The following KATNA1 variants were observed in gnomAD, a reference collection of about 807,000 sequenced individuals.
KATNA1 encodes katanin p60 ATPase-containing subunit A1.
A neutral mutation model predicts 62.6 loss-of-function variants in KATNA1; 42 were observed. The ratio of observed to expected loss-of-function variants is 0.67; its 90% CI spans 0.52 to 0.87. The LOEUF (loss-of-function observed/expected upper bound fraction) is 0.87. Ranked by LOEUF, KATNA1 falls within the 40% of genes least tolerant of loss-of-function variation. The probability of loss-of-function intolerance (pLI) is 0.00; values close to 1 mark genes in which losing one functional copy is unlikely to be tolerated. For missense variants in KATNA1, 498 were observed against 612.5 expected, an observed-to-expected ratio of 0.81 and a Z score of 1.97; for synonymous variants, 186 against 201.9, an observed-to-expected ratio of 0.92 and a Z score of 0.67.
At chr6:149,604,020 C>G (rs1778643750) in intron 5 of KATNA1, among the ~76,000 whole-genome samples, 1 of 152,092 alleles carries the variant, frequency 6.6e-6, no homozygotes, top group Admixed American at 6.6e-5. Context: ...TATAAAATAC[C>G]TAACTTTGTG....
chr6:149,618,621 G>C (rs549124978), intron 4 of KATNA1, among the ~76,000 whole-genome samples: 23 of 152,282 alleles, frequency 1.5e-4, no homozygotes, highest in African/African-American at 5.1e-4. Context: ...CATGGTACTG[G>C]CATAAAAACA....
rs367852831 is a variant in KATNA1, at chr6:149,595,025, C to G, written c.*11G>C. On this transcript the variant is annotated 3_prime_UTR_variant, in exon 11 of 11. Coordinates refer to ENST00000367411, the MANE Select transcript of KATNA1 (RefSeq NM_007044.4). Reference sequence around the variant, plus strand: ...CTTAAGGCACATTTCTCACAGTTTACATGTGAGAATTTAGCATGATCCAAA... The same window carrying G: ...CTTAAGGCACATTTCTCACAGTTTAGATGTGAGAATTTAGCATGATCCAAA... 17 of 1,590,642 alleles carry G rather than the reference C, an allele frequency of 1.1e-5. No homozygotes were observed. The Middle Eastern group carries it at 5.0e-4, about 46-fold the overall frequency.
intron 7 of KATNA1, among the ~76,000 whole-genome samples, chr6:149,599,595 G>C (rs1358017548): frequency 1.3e-5 from 2 of 151,048 alleles, no homozygotes; most frequent in South Asian, 2.1e-4. Flanking sequence ...CCCTCTCTCT[G>C]TAACCTCTGC....
chr6:149,595,361 G>A, intron 10 of KATNA1, 127 bp from the exon 11 acceptor site: 3 of 605,266 alleles, frequency 5.0e-6, no homozygotes, highest in Non-Finnish European at 8.4e-6. Context: ...TATATATGTA[G>A]TATTGTATAG....
chr6:149,617,939 AAAATAAAT>A (rs1333260724), intron 4 of KATNA1, among the ~76,000 whole-genome samples: 31 of 133,558 alleles, frequency 2.3e-4, no homozygotes, highest in Non-Finnish European at 3.8e-4. Flanking sequence ...CTTGTCTCCA[AAAATAAAT>A]AAATAAATAA....
chr6:149,619,675 C>G (rs558508848), intron 4 of KATNA1, among the ~76,000 whole-genome samples: 1 of 151,372 alleles, frequency 6.6e-6, no homozygotes, highest in South Asian at 2.1e-4. Flanking sequence ...AATTCATATA[C>G]AAAGTTCTTG....
chr6:149,637,959 T>A (rs1780133166), intron 2 of KATNA1, among the ~76,000 whole-genome samples: 1 of 152,186 alleles, frequency 6.6e-6, no homozygotes, highest in Non-Finnish European at 1.5e-5. Context: ...GTGTAATAAC[T>A]CACATACTCA....
At chr6:149,616,685 C>G (rs1396730502) in intron 4 of KATNA1, among the ~76,000 whole-genome samples, 1 of 151,954 alleles carries the variant, frequency 6.6e-6, no homozygotes, top group Non-Finnish European at 1.5e-5. Flanking sequence ...ACCCGGTAAG[C>G]GGAGGGTGCG....
intron 4 of KATNA1, among the ~76,000 whole-genome samples, chr6:149,613,200 A>AAAAAAAAAAAAAAAAAAAAAAAAAAAAC (rs1308694424): frequency 7.0e-6 from 1 of 142,268 alleles, no homozygotes; most frequent in Non-Finnish European, 1.5e-5. Flanking sequence ...AAAAAAAAAA[A>AAAAAAAAAAAAAAAAAAAAAAAAAAAAC]AAAAAAAAAA....
intron 1 of KATNA1, among the ~76,000 whole-genome samples, chr6:149,645,395 C>T (rs1037136437): frequency 1.3e-5 from 2 of 151,052 alleles, no homozygotes; most frequent in African/African-American, 2.4e-5. Context: ...GTGAGCCAAG[C>T]TCGCGCCACT....
At chr6:149,624,871 G>C (rs192556153) in intron 3 of KATNA1, among the ~76,000 whole-genome samples, 2 of 150,766 alleles carry the variant, frequency 1.3e-5, no homozygotes, top group African/African-American at 4.9e-5. Context: ...ACGTATACTA[G>C]ATGGTGTGAA....
At chr6:149,632,199 C>T (rs1779868689) in intron 3 of KATNA1, among the ~76,000 whole-genome samples, 1 of 151,952 alleles carries the variant, frequency 6.6e-6, no homozygotes, top group African/African-American at 2.4e-5. Context: ...CGAGACCAGC[C>T]TGGCCAACAT....
Position 149,623,131 on chromosome 6 carries a change from T to C in KATNA1, c.473A>G (p.Lys158Arg), listed in dbSNP as rs1278949459. ...RGKAVRCREK[K>R]EQNKGREEKN... is the part of the protein sequence containing the mutation. Reference sequence around the variant, plus strand: ...TTCCTCTCTTCCTTTATTCTGTTCTTTCTTTTCACGACAACGAACAGCTTT... The same window carrying C: ...TTCCTCTCTTCCTTTATTCTGTTCTCTCTTTTCACGACAACGAACAGCTTT... The change falls in exon 4 of 11, where the codon AAA becomes AGA. Residue 158 changes from lysine (K) to arginine (R), a missense_variant. Lys to Arg is a conservative substitution (Grantham distance 26, BLOSUM62 2). Transcript: ENST00000367411. 7 of 1,604,328 alleles carry C rather than the reference T, an allele frequency of 4.4e-6. No homozygotes were observed. The highest frequency in any genetic ancestry group is 5.9e-6 in the Non-Finnish European group (7 of 1,177,562).
intron 1 of KATNA1, 171 bp from the exon 2 acceptor site, chr6:149,638,731 T>A: frequency 7.8e-6 from 1 of 128,610 alleles, no homozygotes. Context: ...AAAAACATTG[T>A]TTTTTTTTTT....
rs182849658 is a variant in KATNA1 at position 149,624,416 on chromosome 6, T to A, written c.321-1133A>T. 4.1e-3 allele frequency among the ~76,000 whole-genome samples: 618 copies of A among 152,190 alleles called. 3 individuals carry two copies. Among genetic ancestry groups the A allele is most frequent in the Non-Finnish European group, 5.8e-3 (395 of 68,000 alleles). ...TCATTTCACCTTTATGTATTTATTT[T>A]TTATTATTATTATTTTTTGAGACAA... On this transcript the variant is annotated intron_variant, in intron 3 of 10. Transcript: ENST00000367411.
chr6:149,632,997 A>C (rs1439666847), intron 2 of KATNA1, 81 bp from the exon 3 acceptor site: 1 of 1,094,212 alleles, frequency 9.1e-7, no homozygotes, highest in Admixed American at 2.6e-5. Flanking sequence ...TTTACTAGAG[A>C]TGTTACAAAA....
intron 1 of KATNA1, 123 bp from the exon 2 acceptor site, chr6:149,638,683 T>C: frequency 1.9e-6 from 1 of 535,008 alleles, no homozygotes; most frequent in South Asian, 2.1e-5. Context: ...ACACTTCCCA[T>C]CTCTATATGT....
chr6:149,595,286 A>G (rs1482948721), intron 10 of KATNA1, 52 bp from the exon 11 acceptor site: 1 of 1,478,834 alleles, frequency 6.8e-7, no homozygotes, highest in Admixed American at 1.9e-5. Flanking sequence ...ACTTTGGTTA[A>G]ATGAAAACCT....
At chr6:149,597,015 C>G in intron 10 of KATNA1, 48 bp downstream of exon 10, 1 of 1,595,854 alleles carries the variant, frequency 6.3e-7, no homozygotes, top group Non-Finnish European at 8.5e-7. Flanking sequence ...AAACTTCATA[C>G]TAGAAGTTTA....
Sources: allele counts gnomAD v4.1 joint callset (sites outside exome capture counted in the v4.1 genomes callset), GRCh38; gene constraint gnomAD v4.1.1; transcripts MANE v1.5; gene names NCBI Gene and HGNC (gene_info 2026-07-23, HGNC 2026-07-21).